Variants in DACH2 observed in about 807,000 individuals in gnomAD.
The protein encoded by DACH2 is dachshund homolog 2.
Under a neutral mutation model 35.8 loss-of-function variants are expected in DACH2, and 17 were observed. That is an observed-to-expected ratio of 0.48 (90% CI 0.33 to 0.71). The LOEUF (loss-of-function observed/expected upper bound fraction) is 0.71. Ranked by LOEUF, DACH2 falls within the 30% of genes least tolerant of loss-of-function variation. The pLI, the probability that DACH2 is intolerant of heterozygous loss-of-function variation, is 0.02. For synonymous variants in DACH2, 195 were observed against 177.3 expected (o/e 1.10, Z -0.79); for missense variants, 469 against 472.7 (o/e 0.99, Z 0.07).
At chrX:86,444,707 TG>T (rs1222382949) in intron 2 of DACH2, among the ~76,000 whole-genome samples, 2 of 111,585 alleles carry the variant, frequency 1.8e-5, no homozygotes, top group African/African-American at 6.5e-5. Flanking sequence ...TTGTTGATTT[TG>T]TTTACCTTTT....
chrX:86,826,491 GA>G (rs35476070), intron 11 of DACH2, among the ~76,000 whole-genome samples: 46,300 of 107,845 alleles, frequency 0.43, 7,740 homozygotes, highest in African/African-American at 0.56. Flanking sequence ...AGAACTTTCT[GA>G]AAAAAAAATG....
At chrX:86,464,936 A>C (rs867114133) in intron 2 of DACH2, among the ~76,000 whole-genome samples, 1 of 111,921 alleles carries the variant, frequency 8.9e-6, no homozygotes, top group Non-Finnish European at 1.9e-5. Context: ...CTCATAATTC[A>C]AAACTAAATA....
At chrX:86,373,062 A>T (rs1228017637) in intron 1 of DACH2, among the ~76,000 whole-genome samples, 1 of 110,978 alleles carries the variant, frequency 9.0e-6, no homozygotes, top group East Asian at 2.9e-4. Flanking sequence ...CATTTTCTTT[A>T]TTCATTCCCT....
intron 3 of DACH2, among the ~76,000 whole-genome samples, chrX:86,568,977 C>A (rs1341105531): frequency 9.0e-6 from 1 of 111,582 alleles, no homozygotes; most frequent in African/African-American, 3.2e-5. Flanking sequence ...CTCTTCTGTA[C>A]AGAAGCTCCT....
At chrX:86,267,215 C>A (rs770804186) in intron 1 of DACH2, among the ~76,000 whole-genome samples, 12 of 111,461 alleles carry the variant, frequency 1.1e-4, no homozygotes, top group Non-Finnish European at 1.7e-4. Flanking sequence ...AGAAATATTC[C>A]TTAAGTGCTA....
At chrX:86,599,462 C>CT (rs1569449925) in intron 3 of DACH2, among the ~76,000 whole-genome samples, 77 of 89,388 alleles carry the variant, frequency 8.6e-4, no homozygotes, top group Admixed American at 4.8e-3. Flanking sequence ...TCCTTCCTTC[C>CT]TTCTTTTCTT....
intron 1 of DACH2, among the ~76,000 whole-genome samples, chrX:86,199,382 C>T (rs2032085686): frequency 9.0e-6 from 1 of 111,198 alleles, no homozygotes; most frequent in African/African-American, 3.3e-5. Context: ...TCTCACCACT[C>T]CTATTCAACA....
intron 2 of DACH2, among the ~76,000 whole-genome samples, chrX:86,400,942 A>C (rs2036415049): frequency 8.9e-6 from 1 of 112,227 alleles, no homozygotes; most frequent in Non-Finnish European, 1.9e-5. Flanking sequence ...AGAGATTATT[A>C]CTGTCTTTTG....
intron 1 of DACH2, among the ~76,000 whole-genome samples, chrX:86,269,379 C>T (rs927636873): frequency 2.7e-5 from 3 of 111,441 alleles, no homozygotes; most frequent in African/African-American, 6.5e-5. Flanking sequence ...ACCACATTTT[C>T]GAACTTTCTA....
chrX:86,414,774 T>C (rs1254947399), intron 2 of DACH2, among the ~76,000 whole-genome samples: 1 of 111,304 alleles, frequency 9.0e-6, no homozygotes, highest in Non-Finnish European at 1.9e-5. Context: ...ACCAAGCAAA[T>C]AAACTATTAG....
At chrX:86,457,137 A>G (rs1362280937) in intron 2 of DACH2, among the ~76,000 whole-genome samples, 9 of 111,409 alleles carry the variant, frequency 8.1e-5, no homozygotes, top group Non-Finnish European at 1.7e-4. Flanking sequence ...GGTGGGGCTA[A>G]GGAGTTGTCT....
At chrX:86,171,864 T>C (rs1441170928) in intron 1 of DACH2, among the ~76,000 whole-genome samples, 1 of 111,968 alleles carries the variant, frequency 8.9e-6, no homozygotes, top group Non-Finnish European at 1.9e-5. Flanking sequence ...TCTGTGTAGA[T>C]AGTTGTTAAC....
At chrX:86,344,415 C>G (rs1184740067) in intron 1 of DACH2, among the ~76,000 whole-genome samples, 1 of 108,292 alleles carries the variant, frequency 9.2e-6, no homozygotes, top group Non-Finnish European at 1.9e-5. Context: ...TTAATATCCT[C>G]TACATTATTA....
intron 2 of DACH2, among the ~76,000 whole-genome samples, chrX:86,429,569 CT>C (rs1556136596): frequency 9.3e-6 from 1 of 107,835 alleles, no homozygotes; most frequent in African/African-American, 3.5e-5. Flanking sequence ...CTTTTCTTTT[CT>C]TTTTTTTCTT....
At chrX:86,290,788 G>C (rs1205505283) in intron 1 of DACH2, among the ~76,000 whole-genome samples, 6 of 96,717 alleles carry the variant, frequency 6.2e-5, no homozygotes, top group East Asian at 3.4e-4. Context: ...CTATATCTCT[G>C]TTTTGGTACC....
chrX:86,353,897 T>C lies in DACH2; in HGVS notation c.489-22927T>C, dbSNP rs1352647521. ...AGGAGTATCTTTGTGGCGTTCTCTG[T>C]ATTTCCTGAATCTGAACTTTGGCCT... On this transcript the variant is annotated intron_variant, in intron 1 of 11. Transcript: ENST00000373125. Among the ~76,000 whole-genome samples the C allele has an allele frequency of 2.4e-4, 6 of 25,080 alleles. 2 individuals are homozygous for C. Among genetic ancestry groups the C allele is most frequent in the Non-Finnish European group, 3.4e-4 (6 of 17,444 alleles). The allele number at this position is 25,080 out of a possible 115,157, so 21.8% of individuals were successfully genotyped here.
At chrX:86,207,858 A>T (rs1007203930) in intron 1 of DACH2, among the ~76,000 whole-genome samples, 1 of 111,888 alleles carries the variant, frequency 8.9e-6, no homozygotes, top group Admixed American at 9.5e-5. Context: ...TATTCATGTT[A>T]CAAGATAAGT....
At chrX:86,421,673 T>C (rs1055546308) in intron 2 of DACH2, among the ~76,000 whole-genome samples, 1 of 111,836 alleles carries the variant, frequency 8.9e-6, no homozygotes, top group Non-Finnish European at 1.9e-5. Flanking sequence ...AATTTCTACA[T>C]TAATTTTAAA....
At chrX:86,763,603 G>A (rs868014098) in intron 7 of DACH2, among the ~76,000 whole-genome samples, 3 of 111,154 alleles carry the variant, frequency 2.7e-5, no homozygotes, top group African/African-American at 9.8e-5. Context: ...ACAGGCTCCC[G>A]CCACCACGCC....
Sources: allele counts gnomAD v4.1 joint callset (sites outside exome capture counted in the v4.1 genomes callset), GRCh38; gene constraint gnomAD v4.1.1; transcripts MANE v1.5; gene names NCBI Gene and HGNC (gene_info 2026-07-23, HGNC 2026-07-21).